Variants in UBN2 observed in about 807,000 individuals in gnomAD.
UBN2 encodes ubinuclein-2.
Under a neutral mutation model 120.2 loss-of-function variants are expected in UBN2, and 35 were observed. That is an observed-to-expected ratio of 0.29 (90% CI 0.22 to 0.39). The LOEUF is 0.39. Among genes scored for constraint, UBN2 ranks in the 10% least tolerant of loss-of-function variants. The pLI, the probability that UBN2 is intolerant of heterozygous loss-of-function variation, is 1.00. For synonymous variants in UBN2, 661 were observed against 648.7 expected (o/e 1.02, Z -0.29); for missense variants, 1,693 against 1,663.2 (o/e 1.02, Z -0.31).
rs1011325756 is a variant in UBN2, at chr7:139,299,829, T to C, written c.*1993T>C. The stretch of plus-strand genomic sequence containing the variant: ...GTGGACCTCTTGCTTTTACGAAATA[T>C]GAATAAAAAGGTCTTTGCTTCATAC... On this transcript the variant is annotated 3_prime_UTR_variant, in exon 18 of 18. Coordinates refer to ENST00000473989, the MANE Select transcript of UBN2 (RefSeq NM_173569.4). 3 of 152,200 alleles carry C rather than the reference T, an allele frequency of 2.0e-5. No homozygotes were observed. Among genetic ancestry groups the C allele is most frequent in the Non-Finnish European group, 2.9e-5 (2 of 68,028 alleles). The allele number at this position is 152,200 out of a possible 1,614,324, so 9.4% of individuals were successfully genotyped here.
In UBN2 at chr7:139,261,271, C is replaced by T. The variant is rs1367545814; in HGVS notation, c.925C>T (p.His309Tyr). ...TCACAGAGTTGTGGCTCTAAATTCA[C>T]ACAAGTCTGAAAAAAAGAAGAAACG... Reference protein sequence around the residue: ...KQLGVVALNSHKSEKKKKRYK... With the variant: ...KQLGVVALNSYKSEKKKKRYK... The change falls in exon 6 of 18, where the codon CAC becomes TAC. Residue 309 changes from histidine to tyrosine, a missense_variant. Physicochemically the swap from His to Tyr is moderately conservative, Grantham distance 83. Transcript: ENST00000473989. 2 of 1,608,374 alleles carry T rather than the reference C, an allele frequency of 1.2e-6. No homozygotes were observed. The highest frequency in any genetic ancestry group is 1.7e-6 in the Non-Finnish European group (2 of 1,178,036).
chr7:139,238,583 C>G (rs1796225894), intron 2 of UBN2, among the ~76,000 whole-genome samples: 1 of 152,120 alleles, frequency 6.6e-6, no homozygotes, highest in Non-Finnish European at 1.5e-5. Flanking sequence ...ACCACCATGC[C>G]TGGCTAATTT....
downstream of UBN2, among the ~76,000 whole-genome samples, chr7:139,311,282 T>C (rs1798443811): frequency 6.6e-6 from 1 of 152,232 alleles, no homozygotes; most frequent in African/African-American, 2.4e-5. Flanking sequence ...TCAGAAAACA[T>C]CGGGCCTCCA....
chr7:139,312,741 A>T (rs1203303620), downstream of UBN2, among the ~76,000 whole-genome samples: 1 of 152,212 alleles, frequency 6.6e-6, no homozygotes, highest in African/African-American at 2.4e-5. Context: ...CACCACAAAG[A>T]TATCCTCCAG....
rs1162109297 is a variant in UBN2, at chr7:139,231,639, C to G, written c.155C>G (p.Pro52Arg). Residue 52 changes from proline (P) to arginine (R), a missense_variant, in exon 1 of 18, where the codon CCG becomes CGG. Pro to Arg is a moderately radical substitution (Grantham distance 103). Around this residue, in one of 5 missense-constraint regions of UBN2, gnomAD observed 663 missense variants for 591.2 expected, o/e 1.12. Coordinates refer to ENST00000473989, the MANE Select transcript of UBN2 (RefSeq NM_173569.4). ...PYREPARAEP[P>R]APREPAPRSD... ...CGCGAGCCGGCCCGGGCGGAGCCGC[C>G]GGCCCCGCGGGAGCCTGCCCCCCGC... 10 of 1,227,536 alleles carry G rather than the reference C, an allele frequency of 8.1e-6. No individual in the cohort carries two copies. The highest frequency in any genetic ancestry group is 3.6e-5 in the South Asian group (1 of 27,728). 76.0% of individuals were successfully genotyped at this position (1,227,536 alleles called of 1,614,324 possible).
intron 2 of UBN2, among the ~76,000 whole-genome samples, chr7:139,239,388 C>T (rs1287312063): frequency 1.3e-5 from 2 of 151,932 alleles, no homozygotes; most frequent in East Asian, 3.9e-4. Flanking sequence ...AATAGTGCTG[C>T]AGTAAATTAG....
At chr7:139,326,496 G>A in the UBN2 span, among the ~76,000 whole-genome samples, 1 of 152,120 alleles carries the variant, frequency 6.6e-6, no homozygotes, top group Non-Finnish European at 1.5e-5. Flanking sequence ...TGTTTTGCTT[G>A]TTATTTATCA....
At chr7:139,287,256 G>T (rs578107586) in intron 15 of UBN2, among the ~76,000 whole-genome samples, 1 of 152,170 alleles carries the variant, frequency 6.6e-6, no homozygotes, top group African/African-American at 2.4e-5. Context: ...TCCTCCTAGG[G>T]TTAACTACTT....
rs201257141 is a variant in UBN2, at chr7:139,279,123, G to A, written c.2025-195G>A. Among the ~76,000 whole-genome samples, 5 of 151,888 alleles carry A rather than the reference G, an allele frequency of 3.3e-5. No individual in the cohort carries two copies. The East Asian group carries it at 9.7e-4, about 29-fold the overall frequency. On this transcript the variant is annotated intron_variant, in intron 12 of 17. Transcript: ENST00000473989. The stretch of plus-strand genomic sequence containing the variant: ...ACATTTCATGTTTTACTAGTTGTTT[G>A]GCCTTTCAATTAATCTGAATTGGGG...
the UBN2 span, among the ~76,000 whole-genome samples, chr7:139,329,427 A>G: frequency 6.6e-6 from 1 of 152,076 alleles, no homozygotes; most frequent in African/African-American, 2.4e-5. Flanking sequence ...CCCTAGCCCA[A>G]CTTGTGAATC....
At chr7:139,242,889 C>A (rs957909086) in intron 2 of UBN2, among the ~76,000 whole-genome samples, 2 of 152,156 alleles carry the variant, frequency 1.3e-5, no homozygotes, top group Non-Finnish European at 2.9e-5. Context: ...AAGAAATGGG[C>A]ACAGATGTAA....
chr7:139,260,602 T>A (rs1484323682), intron 5 of UBN2, among the ~76,000 whole-genome samples: 1 of 152,140 alleles, frequency 6.6e-6, no homozygotes, highest in Non-Finnish European at 1.5e-5. Context: ...TGGAGGTGCA[T>A]CTGAATTTTG....
chr7:139,329,500 T>C, the UBN2 span, among the ~76,000 whole-genome samples: 1 of 152,172 alleles, frequency 6.6e-6, no homozygotes, highest in Non-Finnish European at 1.5e-5. Flanking sequence ...GTAATTCTAA[T>C]GTATATTCAG....
intron 2 of UBN2, among the ~76,000 whole-genome samples, chr7:139,248,669 A>G (rs1796537293): frequency 2.0e-5 from 3 of 152,094 alleles, no homozygotes; most frequent in Admixed American, 2.0e-4. Context: ...CTTTAAAAAT[A>G]TTTCGTATGT....
intron 1 of UBN2, among the ~76,000 whole-genome samples, chr7:139,232,667 C>T (rs1224734800): frequency 6.6e-6 from 1 of 152,012 alleles, no homozygotes; most frequent in Non-Finnish European, 1.5e-5. Flanking sequence ...GGGAAGGTGT[C>T]TCCTGTTTTA....
chr7:139,327,485 T>C, the UBN2 span, among the ~76,000 whole-genome samples: 7 of 152,136 alleles, frequency 4.6e-5, no homozygotes, highest in Non-Finnish European at 1.0e-4. Flanking sequence ...TGGCATCTGG[T>C]GAGGGCCTTT....
At chr7:139,264,051 CT>C (rs1466450919) in intron 6 of UBN2, among the ~76,000 whole-genome samples, 1 of 152,080 alleles carries the variant, frequency 6.6e-6, no homozygotes. Context: ...CAGTTTGATA[CT>C]TTTTATGACC....
chr7:139,293,038 C>T (rs771928809), intron 15 of UBN2, among the ~76,000 whole-genome samples, 194 bp from the exon 16 acceptor site: 9 of 152,150 alleles, frequency 5.9e-5, no homozygotes, highest in South Asian at 4.1e-4. Flanking sequence ...TGAGAGAGTG[C>T]GTGGGTGTTC....
chr7:139,274,539 G>C, intron 11 of UBN2, among the ~76,000 whole-genome samples: 1 of 152,100 alleles, frequency 6.6e-6, no homozygotes, highest in African/African-American at 2.4e-5. Flanking sequence ...AAGGCAGGTG[G>C]ATCACCTGAG....
Sources: allele counts gnomAD v4.1 joint callset (sites outside exome capture counted in the v4.1 genomes callset), GRCh38; gene constraint gnomAD v4.1.1; regional missense constraint gnomAD v4.1.1; transcripts MANE v1.5; gene names NCBI Gene and HGNC (gene_info 2026-07-23, HGNC 2026-07-21).